The following THEMIS variants were observed in gnomAD, a reference collection of about 807,000 sequenced individuals.
THEMIS encodes thymocyte selection associated.
In THEMIS, 37 loss-of-function variants were observed where a neutral mutation model predicts 52.6. That is an observed-to-expected ratio of 0.70 (90% CI 0.54 to 0.93). The LOEUF (loss-of-function observed/expected upper bound fraction) is 0.93, where lower values mean the gene tolerates loss of function less well. THEMIS is among the 40% of genes least tolerant of loss of function. The pLI, the probability that THEMIS is intolerant of heterozygous loss-of-function variation, is 0.00. For synonymous variants in THEMIS, 292 were observed against 272.7 expected, an observed-to-expected ratio of 1.07 and a Z score of -0.70; for missense variants, 808 against 763.1, an observed-to-expected ratio of 1.06 and a Z score of -0.69.
At chr6:127,699,136 C>A in the THEMIS span, among the ~76,000 whole-genome samples, 5 of 151,762 alleles carry the variant, frequency 3.3e-5, no homozygotes, top group African/African-American at 1.2e-4. Context: ...TAGTCTCTTT[C>A]AAGGTCTCCC....
intron 2 of THEMIS, among the ~76,000 whole-genome samples, chr6:127,849,126 T>C (rs1346615896): frequency 6.6e-6 from 1 of 152,088 alleles, no homozygotes. Context: ...AGGGATCCAG[T>C]TTCAGCTTTC....
intron 4 of THEMIS, among the ~76,000 whole-genome samples, chr6:127,805,532 A>T (rs1193803042): frequency 6.6e-6 from 1 of 152,040 alleles, no homozygotes; most frequent in African/African-American, 2.4e-5. Flanking sequence ...TCTATTTCTA[A>T]GACAAATCTT....
chr6:127,813,384 C>CT lies in THEMIS; in HGVS notation c.1256dup (p.Ser420ValfsTer3). ...AAGGGAGCAGCGCAGCCTCATAGGA[C>CT]TTTTTGAGGATTTTTTCACAGGCCA... On this transcript the variant is annotated frameshift_variant, in exon 4 of 6. Coordinates refer to ENST00000368248, the MANE Select transcript of THEMIS (RefSeq NM_001010923.3). LOFTEE classifies it high-confidence loss of function. The CT allele has an allele frequency of 6.2e-7, 1 of 1,613,612 alleles. No homozygotes were observed.
intron 4 of THEMIS, among the ~76,000 whole-genome samples, chr6:127,811,689 CA>C (rs1195557852): frequency 1.3e-5 from 2 of 151,894 alleles, no homozygotes; most frequent in Non-Finnish European, 2.9e-5. Flanking sequence ...ACAAAGAAGA[CA>C]TTTCATTTCT....
chr6:127,898,750 A>T (rs1393821827), intron 1 of THEMIS, among the ~76,000 whole-genome samples: 1 of 151,982 alleles, frequency 6.6e-6, no homozygotes, highest in Non-Finnish European at 1.5e-5. Flanking sequence ...CCATCAACAG[A>T]TGAATAGACA....
intron 4 of THEMIS, among the ~76,000 whole-genome samples, chr6:127,806,738 C>T (rs1327105845): frequency 6.6e-6 from 1 of 152,156 alleles, no homozygotes. Flanking sequence ...AGTATCAACA[C>T]AGTACATGTC....
intron 1 of THEMIS, among the ~76,000 whole-genome samples, chr6:127,878,758 C>T (rs527743080): frequency 2.6e-5 from 4 of 152,280 alleles, no homozygotes; most frequent in African/African-American, 7.2e-5. Flanking sequence ...TATTACTGAG[C>T]AGTGAGCCTG....
intron 4 of THEMIS, among the ~76,000 whole-genome samples, chr6:127,777,579 C>G (rs1044306895): frequency 6.6e-6 from 1 of 151,988 alleles, no homozygotes; most frequent in Non-Finnish European, 1.5e-5. Context: ...ACAATTTTGG[C>G]TATCTGGGAA....
chr6:127,815,127 G>A (rs762532134), intron 3 of THEMIS, among the ~76,000 whole-genome samples: 7 of 151,952 alleles, frequency 4.6e-5, no homozygotes, highest in Non-Finnish European at 1.0e-4. Flanking sequence ...ATTTCAGCTT[G>A]GGTGACAGAG....
chr6:127,789,994 C>G lies in THEMIS; in HGVS notation c.1758+22889G>C, dbSNP rs565250890. Reference sequence around the variant, plus strand: ...GACAAGGATGCCCTGTCTCACCACTCCTATCCAACATAGTATTGGAAGTTC... The same window carrying G: ...GACAAGGATGCCCTGTCTCACCACTGCTATCCAACATAGTATTGGAAGTTC... On this transcript the variant is annotated intron_variant, in intron 4 of 5. Coordinates refer to ENST00000368248, the MANE Select transcript of THEMIS (RefSeq NM_001010923.3). 5.3e-5 allele frequency among the ~76,000 whole-genome samples: 8 copies of G among 152,340 alleles called. No individual in the cohort carries two copies. In the South Asian group the frequency reaches 1.7e-3, roughly 32 times the overall value.
At chr6:127,888,758 G>A (rs1187810998) in intron 1 of THEMIS, among the ~76,000 whole-genome samples, 1 of 151,998 alleles carries the variant, frequency 6.6e-6, no homozygotes, top group African/African-American at 2.4e-5. Context: ...GTCAACAGGG[G>A]TAAATGGTAA....
rs72973342 is a variant in THEMIS, at chr6:127,865,903, G to A, written c.92-10715C>T. Among the ~76,000 whole-genome samples the A allele has an allele frequency of 1.8e-3, 280 of 152,160 alleles. 1 individual carries two copies. The highest frequency in any genetic ancestry group is 3.1e-3 in the Non-Finnish European group (214 of 67,956). ...ACATTCATTTTATGTTTATTTGGCA[G>A]TGAGGTTTTTACTTAAGTGAAAAAA... On this transcript the variant is annotated intron_variant, in intron 1 of 5. Transcript: ENST00000368248.
intron 1 of THEMIS, among the ~76,000 whole-genome samples, chr6:127,871,064 C>G (rs1020576943): frequency 4.6e-5 from 7 of 152,120 alleles, no homozygotes; most frequent in Non-Finnish European, 1.0e-4. Flanking sequence ...CCCACAATAA[C>G]ATATGCTGAG....
intron 4 of THEMIS, among the ~76,000 whole-genome samples, chr6:127,755,681 T>C (rs1388361160): frequency 1.3e-5 from 2 of 152,150 alleles, no homozygotes; most frequent in Non-Finnish European, 2.9e-5. Context: ...TCAAAGTGTG[T>C]CATTTAGCAA....
intron 4 of THEMIS, among the ~76,000 whole-genome samples, chr6:127,764,326 A>ATTT (rs143455507): frequency 1.3e-5 from 2 of 149,088 alleles, no homozygotes; most frequent in African/African-American, 2.5e-5. Context: ...ATCTTGAGGC[A>ATTT]TTTTTTTTTT....
intron 4 of THEMIS, among the ~76,000 whole-genome samples, chr6:127,748,210 CA>C (rs2114321658): frequency 6.6e-6 from 1 of 152,146 alleles, no homozygotes; most frequent in Non-Finnish European, 1.5e-5. Flanking sequence ...GTTGCTATAA[CA>C]GTACCTGAGA....
intron 4 of THEMIS, among the ~76,000 whole-genome samples, chr6:127,742,528 C>A (rs1775244521): frequency 6.6e-6 from 1 of 152,002 alleles, no homozygotes; most frequent in Non-Finnish European, 1.5e-5. Context: ...AATGACCATT[C>A]ATGGATGAAT....
At position 127,901,014 on chromosome 6, in the gene THEMIS, C is replaced by G; in HGVS notation, c.-82G>C. On this transcript the variant is annotated 5_prime_UTR_variant, in exon 1 of 6. Coordinates refer to ENST00000368248, the MANE Select transcript of THEMIS (RefSeq NM_001010923.3). ...GTGACACTTGTCTGCAATTGCAGCCCCTGCTCACCATTTCTTCCTCAGGCA... is the reference window on the plus strand; with the variant it reads ...GTGACACTTGTCTGCAATTGCAGCCGCTGCTCACCATTTCTTCCTCAGGCA... 9.4e-7 allele frequency: 1 copy of G among 1,068,832 alleles called. No homozygotes were observed. Among genetic ancestry groups the G allele is most frequent in the East Asian group, 2.4e-5 (1 of 42,038 alleles). 66.2% of individuals were successfully genotyped at this position (1,068,832 alleles called of 1,614,324 possible).
intron 1 of THEMIS, among the ~76,000 whole-genome samples, chr6:127,877,319 C>T (rs1392004972): frequency 6.6e-6 from 1 of 152,140 alleles, no homozygotes; most frequent in Non-Finnish European, 1.5e-5. Flanking sequence ...ATTTAATTTC[C>T]TTCAAGAACT....
Sources: allele counts gnomAD v4.1 joint callset (sites outside exome capture counted in the v4.1 genomes callset), GRCh38; gene constraint gnomAD v4.1.1; transcripts MANE v1.5; gene names NCBI Gene and HGNC (gene_info 2026-07-23, HGNC 2026-07-21).